The following ERLIN2 variants were observed in gnomAD, a reference collection of about 807,000 sequenced individuals.
ERLIN2 encodes erlin-2.
ERLIN2 carries 22 observed loss-of-function variants against 41.5 expected under a neutral mutation model. The observed-to-expected ratio is 0.53, with a 90% CI of 0.38 to 0.76. The LOEUF is 0.76. ERLIN2 is among the 30% of genes least tolerant of loss of function. The pLI, the probability that ERLIN2 is intolerant of heterozygous loss-of-function variation, is 0.00. For missense variants in ERLIN2, 247 were observed against 414.3 expected, an observed-to-expected ratio of 0.60 and a Z score of 3.51; for synonymous variants, 149 against 150.9, an observed-to-expected ratio of 0.99 and a Z score of 0.09.
At chr8:37,749,760 T>C (rs761146921) in intron 7 of ERLIN2, 34 bp from the exon 8 acceptor site, 18 of 1,610,968 alleles carry the variant, frequency 1.1e-5, no homozygotes, top group Non-Finnish European at 1.4e-5. Flanking sequence ...CTACCCTCAC[T>C]TTCCCATCAG....
At chr8:37,743,281 A>G (rs1802918314) in intron 4 of ERLIN2, among the ~76,000 whole-genome samples, 3 of 152,228 alleles carry the variant, frequency 2.0e-5, no homozygotes, top group African/African-American at 4.8e-5. Context: ...AGGACTACAC[A>G]CCAAGGGACT....
chr8:37,747,128 GA>G (rs58930787), intron 6 of ERLIN2, among the ~76,000 whole-genome samples: 149,679 of 152,228 alleles, frequency 0.98, 73,600 homozygotes, highest in East Asian at 1. Context: ...TCTAAATACA[GA>G]AAAAAAATTA....
chr8:37,746,738 A>G (rs1803065662), intron 6 of ERLIN2, among the ~76,000 whole-genome samples: 1 of 152,178 alleles, frequency 6.6e-6, no homozygotes, highest in Admixed American at 6.5e-5. Flanking sequence ...TTCTTTGAGT[A>G]TAAAGTCTGA....
Position 37,757,085 on chromosome 8 carries a change from T to C in ERLIN2, c.*2970T>C, listed in dbSNP as rs901274661. On this transcript the variant is annotated 3_prime_UTR_variant, in exon 12 of 12. Transcript: ENST00000519638. Reference sequence around the variant, plus strand: ...TACTGAAAGAATTTTAGCAATATATTGATTCAGGAAAAGGAGCTGTTTTAT... The same window carrying C: ...TACTGAAAGAATTTTAGCAATATATCGATTCAGGAAAAGGAGCTGTTTTAT... 1.3e-5 allele frequency: 2 copies of C among 152,212 alleles called. No individual in the cohort carries two copies. The highest frequency in any genetic ancestry group is 2.9e-5 in the Non-Finnish European group (2 of 68,032). The allele number at this position is 152,212 out of a possible 1,614,324, so 9.4% of individuals were successfully genotyped here. A position where few individuals can be genotyped will look rare whatever the true frequency, so the allele number is the denominator to read the frequency against.
rs750317293 is a variant in ERLIN2 at position 37,744,344 on chromosome 8, C to T, written c.237-11C>T. 6.8e-6 allele frequency: 11 copies of T among 1,612,092 alleles called. No homozygotes were observed. The highest frequency in any genetic ancestry group is 3.4e-6 in the Non-Finnish European group (4 of 1,178,236). On this transcript the variant is annotated splice_polypyrimidine_tract_variant and intron_variant, in intron 4 of 11. Transcript: ENST00000519638. ...TTCCCAGTGACTTCTTGTCCATTCT[C>T]CCTCCAATAGTGGTGGTGTGATGAT...
chr8:37,743,384 C>T (rs752773199), intron 4 of ERLIN2, among the ~76,000 whole-genome samples: 4 of 152,210 alleles, frequency 2.6e-5, no homozygotes, highest in Non-Finnish European at 5.9e-5. Context: ...CTCTTTCTGG[C>T]TTGCAGGTGA....
intron 1 of ERLIN2, chr8:37,736,994 C>T (rs1166078687): frequency 1.0e-6 from 1 of 985,736 alleles, no homozygotes; most frequent in Admixed American, 6.1e-5. Context: ...GATCGGTAGC[C>T]GGAGGCCGCC....
At chr8:37,745,969 C>A in intron 6 of ERLIN2, 1 of 1,038,286 alleles carries the variant, frequency 9.6e-7, no homozygotes, top group South Asian at 4.0e-5. Context: ...CCCTAATGTC[C>A]CTGAAGAGGA....
intron 8 of ERLIN2, 37 bp from the exon 9 acceptor site, chr8:37,750,358 T>C (rs779404763): frequency 1.3e-6 from 2 of 1,550,270 alleles, no homozygotes; most frequent in Non-Finnish European, 1.8e-6. Context: ...GCTCCTGAGT[T>C]TTCCATAGCT....
At chr8:37,738,583 A>G (rs1311349467) in intron 2 of ERLIN2, among the ~76,000 whole-genome samples, 2 of 152,182 alleles carry the variant, frequency 1.3e-5, no homozygotes, top group African/African-American at 4.8e-5. Flanking sequence ...AAAAAATAAA[A>G]TAAAAAATAA....
chr8:37,750,810 G>C (rs1273916754), intron 9 of ERLIN2, among the ~76,000 whole-genome samples: 1 of 151,898 alleles, frequency 6.6e-6, no homozygotes, highest in Non-Finnish European at 1.5e-5. Flanking sequence ...TGCAGCCTCT[G>C]CCTCAGGTTC....
chr8:37,743,939 G>A (rs1802945729), intron 4 of ERLIN2, among the ~76,000 whole-genome samples: 2 of 152,198 alleles, frequency 1.3e-5, no homozygotes, highest in South Asian at 4.1e-4. Context: ...GGCAAAGGGA[G>A]TGTGACACCA....
At chr8:37,739,994 T>G (rs1802794261) in intron 2 of ERLIN2, among the ~76,000 whole-genome samples, 1 of 152,042 alleles carries the variant, frequency 6.6e-6, no homozygotes, top group Non-Finnish European at 1.5e-5. Context: ...TTTCTTTTTT[T>G]GTAGAGACAG....
At chr8:37,752,257 G>T (rs1328166301) in intron 10 of ERLIN2, among the ~76,000 whole-genome samples, 1 of 152,192 alleles carries the variant, frequency 6.6e-6, no homozygotes, top group Non-Finnish European at 1.5e-5. Flanking sequence ...TTCACCTTCT[G>T]TTCCTGCTTC....
intron 6 of ERLIN2, among the ~76,000 whole-genome samples, chr8:37,749,357 C>T (rs1392320801): frequency 1.3e-5 from 2 of 152,182 alleles, no homozygotes; most frequent in Non-Finnish European, 2.9e-5. Flanking sequence ...AATGCCCTTG[C>T]GTTCACCATG....
intron 2 of ERLIN2, among the ~76,000 whole-genome samples, chr8:37,739,586 T>C (rs1190965125): frequency 1.3e-5 from 2 of 152,064 alleles, no homozygotes; most frequent in East Asian, 3.9e-4. Context: ...AGCAATTCTC[T>C]GCCTCAGCCT....
chr8:37,747,642 C>T lies in ERLIN2; in HGVS notation c.425-1917C>T, dbSNP rs748728404. On this transcript the variant is annotated intron_variant, in intron 6 of 11. Coordinates refer to ENST00000519638, the MANE Select transcript of ERLIN2 (RefSeq NM_007175.8). ...TCGTTTTCCCAAAGCCCTGGCCAAACTTGACGACTGCTCCATCCACAATGA... is the reference window on the plus strand; with the variant it reads ...TCGTTTTCCCAAAGCCCTGGCCAAATTTGACGACTGCTCCATCCACAATGA... 1.2e-5 allele frequency: 20 copies of T among 1,609,906 alleles called. No homozygotes were observed. In the Admixed American group the frequency reaches 3.0e-4, roughly 24 times the overall value.
At chr8:37,749,061 C>T (rs888659589) in intron 6 of ERLIN2, among the ~76,000 whole-genome samples, 5 of 152,192 alleles carry the variant, frequency 3.3e-5, no homozygotes, top group Admixed American at 6.5e-5. Context: ...CTCTCCTTGA[C>T]GTCAAAGTCT....
At chr8:37,750,602 C>A in intron 9 of ERLIN2, 116 bp downstream of exon 9, 1 of 834,478 alleles carries the variant, frequency 1.2e-6, no homozygotes. Flanking sequence ...ACTTCCACAG[C>A]ACAGGAGTGG....
Sources: gnomAD v4.1 joint callset for allele counts (sites outside exome capture counted in the v4.1 genomes callset) on GRCh38, gnomAD v4.1.1 for gene constraint, MANE v1.5 for transcripts, NCBI Gene and HGNC (gene_info 2026-07-23, HGNC 2026-07-21) for gene names.